ZNF841: variants seen among roughly 807,000 people sequenced by gnomAD.
ZNF841 encodes zinc finger protein 841.
In ZNF841, 11 loss-of-function variants were observed where a neutral mutation model predicts 13.0. That is an observed-to-expected ratio of 0.85 (90% CI 0.53 to 1.40). The LOEUF is 1.40. Ranked by LOEUF, ZNF841 falls within the 40% of genes most tolerant of loss-of-function variation. The pLI, the probability that ZNF841 is intolerant of heterozygous loss-of-function variation, is 0.00. For missense variants in ZNF841, 1,068 were observed against 1,139.5 expected, an observed-to-expected ratio of 0.94 and a Z score of 0.90; for synonymous variants, 369 against 381.6, an observed-to-expected ratio of 0.97 and a Z score of 0.38.
intron 3 of ZNF841, among the ~76,000 whole-genome samples, chr19:52,086,774 GAC>G (rs1210964442): frequency 6.6e-6 from 1 of 152,158 alleles, no homozygotes; most frequent in Non-Finnish European, 1.5e-5. Flanking sequence ...AATAGCTCCT[GAC>G]AGGCAAAGAA....
At chr19:52,077,264 A>G (rs1461987267) in intron 4 of ZNF841, among the ~76,000 whole-genome samples, 180 bp from the exon 5 acceptor site, 1 of 152,208 alleles carries the variant, frequency 6.6e-6, no homozygotes, top group Non-Finnish European at 1.5e-5. Context: ...TCAATAGGAG[A>G]TTAGGATATT....
downstream of ZNF841, among the ~76,000 whole-genome samples, chr19:52,060,987 T>A (rs2087387526): frequency 6.6e-6 from 1 of 152,188 alleles, no homozygotes; most frequent in Non-Finnish European, 1.5e-5. Flanking sequence ...AAAGGGTTGT[T>A]TTAAGTGAGA....
chr19:52,067,446 T>A lies in ZNF841; in HGVS notation c.436A>T (p.Lys146Ter). 3 of 1,551,556 alleles carry A rather than the reference T, an allele frequency of 1.9e-6. No individual in the cohort carries two copies. In the South Asian group the frequency reaches 3.6e-5, roughly 19 times the overall value. Residue 146 changes from lysine to a stop codon, truncating the protein, a stop_gained, in exon 7 of 7, where the codon AAA becomes TAA. Coordinates refer to ENST00000594440, the MANE Select transcript of ZNF841 (RefSeq NM_001136499.2). LOFTEE classifies it low-confidence loss of function (END_TRUNC). ...KNLQEVDFQW[K>*]DGEINYKEGP... ...TCTTTATAATTTATTTCACCATCTT[T>A]CCATTGAAAGTCAACTTCCTGTAGA...
chr19:52,094,818 C>T (rs896020211), intron 1 of ZNF841, among the ~76,000 whole-genome samples: 2 of 152,086 alleles, frequency 1.3e-5, no homozygotes, highest in African/African-American at 2.4e-5. Context: ...TGCCGCCCCA[C>T]TCTATTTTGC....
intron 6 of ZNF841, among the ~76,000 whole-genome samples, chr19:52,070,779 C>T (rs1410626836): frequency 1.3e-5 from 2 of 152,176 alleles, no homozygotes; most frequent in African/African-American, 2.4e-5. Flanking sequence ...TATTGATTTA[C>T]GCAGTGTTAT....
At chr19:52,085,366 C>T (rs2088237045) in intron 3 of ZNF841, among the ~76,000 whole-genome samples, 1 of 152,194 alleles carries the variant, frequency 6.6e-6, no homozygotes, top group African/African-American at 2.4e-5. Context: ...TGCAAACTGC[C>T]TCAGCACGCT....
At chr19:52,067,674 G>T in intron 6 of ZNF841, 64 bp from the exon 7 acceptor site, 1 of 1,159,826 alleles carries the variant, frequency 8.6e-7, no homozygotes, top group Non-Finnish European at 1.2e-6. Context: ...ATTTTATACT[G>T]AAAACACACT....
chr19:52,079,431 T>TAAAAAAAAAAAAAAAAAAAAAAACAA (rs35306980), intron 4 of ZNF841, among the ~76,000 whole-genome samples: 1 of 83,204 alleles, frequency 1.2e-5, no homozygotes, highest in African/African-American at 4.4e-5. Flanking sequence ...AGGAAATCTG[T>TAAAAAAAAAAAAAAAAAAAAAAACAA]AAAAAAAAAA....
Position 52,066,205 on chromosome 19 carries a change from A to G in ZNF841, c.1677T>C (p.His559=). ...GTTTCTCTCCAGTATGACATCTCAT[A>G]TGAACCGAAAGGTATCCACCGTAAT... ...VFNYGGYLSV[H]MRCHTGEKPL... is the part of the protein sequence containing the mutation. The change falls in exon 7 of 7, where the codon CAT becomes CAC. Residue 559 remains histidine (H), a synonymous_variant. Transcript: ENST00000594440. The G allele has an allele frequency of 6.2e-7, 1 of 1,613,954 alleles. No homozygotes were observed. The highest frequency in any genetic ancestry group is 8.5e-7 in the Non-Finnish European group (1 of 1,179,918).
Position 52,066,711 on chromosome 19 carries a change from G to A in ZNF841, c.1171C>T (p.His391Tyr). 1.9e-6 allele frequency: 3 copies of A among 1,611,232 alleles called. No homozygotes were observed. The highest frequency in any genetic ancestry group is 2.2e-5 in the South Asian group (2 of 90,828). Residue 391 changes from histidine to tyrosine, a missense_variant, in exon 7 of 7, where the codon CAT becomes TAT. Coordinates refer to ENST00000594440, the MANE Select transcript of ZNF841 (RefSeq NM_001136499.2). ...TTGTCTCCAGTATGAACTGTCTGAT[G>A]AGTTGCAAGAGAGGAACTTTGACTA... ...CFSQSSSLAT[H>Y]QTVHTGDKPY...
In ZNF841 at chr19:52,077,039, C is replaced by T; in HGVS notation, c.61G>A (p.Glu21Lys). 1 of 1,613,174 alleles carries T rather than the reference C, an allele frequency of 6.2e-7. No individual in the cohort carries two copies. The highest frequency in any genetic ancestry group is 8.5e-7 in the Non-Finnish European group (1 of 1,179,444). ...RDVAVEFSQE[E>K]WKCLDPVQKA... ...TGAACAGGGTCCAGGCATTTCCACTCCTCCTGAGAGAATTCTACAGCCACA... is the reference window on the plus strand; with the variant it reads ...TGAACAGGGTCCAGGCATTTCCACTTCTCCTGAGAGAATTCTACAGCCACA... The change falls in exon 5 of 7, where the codon GAG becomes AAG. Residue 21 changes from glutamate to lysine, a missense_variant. Coordinates refer to ENST00000594440, the MANE Select transcript of ZNF841 (RefSeq NM_001136499.2).
At chr19:52,090,716 A>G (rs78804618) in intron 2 of ZNF841, among the ~76,000 whole-genome samples, 2,660 of 151,098 alleles carry the variant, frequency 0.018, 78 homozygotes, top group African/African-American at 0.062. Flanking sequence ...AGAGAAAGAA[A>G]GAAAGAAAAA....
At chr19:52,092,985 G>A (rs551135457) in intron 2 of ZNF841, among the ~76,000 whole-genome samples, 47 of 152,250 alleles carry the variant, frequency 3.1e-4, no homozygotes, top group Non-Finnish European at 3.8e-4. Context: ...GCGTGGTGGC[G>A]GGTGCCTGTA....
chr19:52,090,677 A>AAG (rs1568549685), intron 2 of ZNF841, among the ~76,000 whole-genome samples: 1 of 144,808 alleles, frequency 6.9e-6, no homozygotes, highest in South Asian at 2.4e-4. Context: ...GAAAGAAAGA[A>AAG]AGAAAGAAAG....
intron 6 of ZNF841, among the ~76,000 whole-genome samples, chr19:52,073,657 G>T (rs575377942): frequency 6.6e-6 from 1 of 151,776 alleles, no homozygotes; most frequent in South Asian, 2.1e-4. Context: ...TGAGCATCAC[G>T]AAAAAAATAT....
At chr19:52,077,629 C>G (rs1270889407) in intron 4 of ZNF841, among the ~76,000 whole-genome samples, 1 of 152,166 alleles carries the variant, frequency 6.6e-6, no homozygotes, top group African/African-American at 2.4e-5. Context: ...CACAGACAGG[C>G]TAAGAAAGTC....
chr19:52,090,858 C>G (rs931552324), intron 2 of ZNF841, among the ~76,000 whole-genome samples: 2 of 152,160 alleles, frequency 1.3e-5, no homozygotes, highest in African/African-American at 4.8e-5. Context: ...TGCCCTGCCG[C>G]CAGAAGGTAT....
In ZNF841 at chr19:52,064,787, C is replaced by G. The variant is rs916352095; in HGVS notation, c.*320G>C. Reference sequence around the variant, plus strand: ...TAGCTGGTACTACCAGTACCCGCCACGAAGCCCAGCTAATTTTTGTATTTT... The same window carrying G: ...TAGCTGGTACTACCAGTACCCGCCAGGAAGCCCAGCTAATTTTTGTATTTT... On this transcript the variant is annotated 3_prime_UTR_variant, in exon 7 of 7. Coordinates refer to ENST00000594440, the MANE Select transcript of ZNF841 (RefSeq NM_001136499.2). 4 of 173,664 alleles carry G rather than the reference C, an allele frequency of 2.3e-5. No individual in the cohort carries two copies. The highest frequency in any genetic ancestry group is 9.5e-5 in the African/African-American group (4 of 41,962). 10.8% of individuals were successfully genotyped at this position (173,664 alleles called of 1,614,324 possible).
chr19:52,081,986 C>T (rs1035439528), intron 4 of ZNF841, among the ~76,000 whole-genome samples: 10 of 151,842 alleles, frequency 6.6e-5, no homozygotes, highest in Non-Finnish European at 7.4e-5. Flanking sequence ...GATTTTGACA[C>T]GGAGGAAAAC....
Sources: gnomAD v4.1 joint callset for allele counts (sites outside exome capture counted in the v4.1 genomes callset) on GRCh38, gnomAD v4.1.1 for gene constraint, MANE v1.5 for transcripts, NCBI Gene and HGNC (gene_info 2026-07-23, HGNC 2026-07-21) for gene names.